Variants in ODAD2 observed in about 807,000 individuals in gnomAD.
ODAD2 encodes outer dynein arm docking complex subunit 2.
A neutral mutation model predicts 106.8 loss-of-function variants in ODAD2; 89 were observed. The observed-to-expected ratio is 0.83, with a 90% CI of 0.70 to 0.99. The LOEUF is 0.99. Among genes scored for constraint, ODAD2 ranks in the 50% least tolerant of loss-of-function variants. The probability of loss-of-function intolerance (pLI) is 0.00; values close to 1 mark genes in which losing one functional copy is unlikely to be tolerated. For synonymous variants in ODAD2, 404 were observed against 436.2 expected (o/e 0.93, Z 0.92); for missense variants, 1,168 against 1,238.5 (o/e 0.94, Z 0.85).
At chr10:27,885,563 AATATATATATATATAAATATAT>A (rs1842055179) in intron 17 of ODAD2, among the ~76,000 whole-genome samples, 1 of 17,514 alleles carries the variant, frequency 5.7e-5, no homozygotes, top group Admixed American at 1.3e-3. Context: ...TATAAATATA[AATATATATATATATAAATATAT>A]AAATATAAAT....
chr10:27,953,381 CTAT>C (rs775715120), intron 10 of ODAD2, among the ~76,000 whole-genome samples: 28 of 152,232 alleles, frequency 1.8e-4, no homozygotes, highest in Non-Finnish European at 4.1e-4. Context: ...ATAGAACTCC[CTAT>C]TACTGCTATC....
intron 17 of ODAD2, among the ~76,000 whole-genome samples, chr10:27,869,029 C>A (rs1005098664): frequency 6.6e-6 from 1 of 151,484 alleles, no homozygotes; most frequent in African/African-American, 2.4e-5. Flanking sequence ...AATGAAAAAC[C>A]TAAATTAGAA....
chr10:27,989,696 T>C (rs1354007681), intron 2 of ODAD2, among the ~76,000 whole-genome samples: 1 of 152,098 alleles, frequency 6.6e-6, no homozygotes, highest in Admixed American at 6.6e-5. Context: ...AAATGCCAGC[T>C]ACCTTAACCA....
rs546909819 is a variant in ODAD2, at chr10:27,919,076, T to C, written c.2496-11299A>G. Among the ~76,000 whole-genome samples the C allele has an allele frequency of 9.2e-5, 14 of 152,082 alleles. No homozygotes were observed. The South Asian group carries it at 2.9e-3, about 32-fold the overall frequency. ...AAATAAATGGCAATATATACCTCATTAATGGATTGGCAGTCTCAATATCAT... is the reference window on the plus strand; with the variant it reads ...AAATAAATGGCAATATATACCTCATCAATGGATTGGCAGTCTCAATATCAT... On this transcript the variant is annotated intron_variant, in intron 16 of 19. Transcript: ENST00000305242.
At chr10:27,905,335 A>G (rs1298162813) in intron 17 of ODAD2, among the ~76,000 whole-genome samples, 2 of 152,148 alleles carry the variant, frequency 1.3e-5, no homozygotes, top group Admixed American at 1.3e-4. Flanking sequence ...CTTCAAGGAG[A>G]ACTACAAACC....
intron 2 of ODAD2, among the ~76,000 whole-genome samples, chr10:27,990,081 CTGT>C (rs1315077343): frequency 6.6e-6 from 1 of 152,112 alleles, no homozygotes; most frequent in Non-Finnish European, 1.5e-5. Context: ...GCTAAAAATT[CTGT>C]TTATACTCTA....
intron 17 of ODAD2, among the ~76,000 whole-genome samples, chr10:27,871,105 C>G (rs555307246): frequency 1.1e-3 from 171 of 152,282 alleles, no homozygotes; most frequent in Non-Finnish European, 8.8e-4. Flanking sequence ...CTGATGGCCA[C>G]TGATGATGAG....
intron 10 of ODAD2, among the ~76,000 whole-genome samples, chr10:27,945,265 C>T (rs1044427740): frequency 6.6e-6 from 1 of 152,190 alleles, no homozygotes; most frequent in South Asian, 2.1e-4. Context: ...GCAAGATGTA[C>T]ACAGAGCTAA....
At chr10:27,989,735 C>G (rs1182314934) in intron 2 of ODAD2, among the ~76,000 whole-genome samples, 1 of 152,158 alleles carries the variant, frequency 6.6e-6, no homozygotes, top group African/African-American at 2.4e-5. Flanking sequence ...TTGGTCCCAG[C>G]TACTTGGGAG....
chr10:27,936,410 C>G (rs1407341688), intron 15 of ODAD2, among the ~76,000 whole-genome samples: 1 of 152,132 alleles, frequency 6.6e-6, no homozygotes, highest in Non-Finnish European at 1.5e-5. Context: ...GAAATCCGCC[C>G]ACTCACCTTG....
At chr10:27,921,945 T>C (rs1200894300) in intron 16 of ODAD2, among the ~76,000 whole-genome samples, 1 of 151,322 alleles carries the variant, frequency 6.6e-6, no homozygotes, top group Non-Finnish European at 1.5e-5. Flanking sequence ...GGAGGGTGGA[T>C]AGCTTCAGCT....
intron 17 of ODAD2, among the ~76,000 whole-genome samples, chr10:27,863,493 G>T (rs1434634981): frequency 6.6e-6 from 1 of 152,178 alleles, no homozygotes; most frequent in African/African-American, 2.4e-5. Context: ...TGAGTAGGGG[G>T]TTACAAGTAA....
intron 19 of ODAD2, among the ~76,000 whole-genome samples, chr10:27,858,423 T>A (rs995552733): frequency 3.3e-5 from 5 of 152,200 alleles, no homozygotes; most frequent in Non-Finnish European, 5.9e-5. Context: ...CCCTGTTCTT[T>A]ACAGTTTTCC....
chr10:27,943,545 C>G (rs12779352), intron 12 of ODAD2, among the ~76,000 whole-genome samples: 81,160 of 151,660 alleles, frequency 0.54, 21,890 homozygotes, highest in Middle Eastern at 0.65. Flanking sequence ...CCAGCACTTT[C>G]GGAGGCCAAG....
intron 3 of ODAD2, 76 bp downstream of exon 3, chr10:27,987,310 C>T: frequency 7.5e-7 from 1 of 1,332,068 alleles, no homozygotes; most frequent in South Asian, 1.5e-5. Context: ...AACAAATGAT[C>T]CTCCCACCCT....
chr10:27,983,509 G>A (rs965729700), intron 6 of ODAD2, among the ~76,000 whole-genome samples: 16 of 152,188 alleles, frequency 1.1e-4, no homozygotes, highest in African/African-American at 3.9e-4. Context: ...TATGACATCT[G>A]TATTATCTCA....
Position 27,924,010 on chromosome 10 carries a change from GAA to G in ODAD2, c.2495+10998_2495+10999del, listed in dbSNP as rs71388942. Among the ~76,000 whole-genome samples, 206 of 111,408 alleles carry G rather than the reference GAA, an allele frequency of 1.8e-3. 1 individual carries two copies. Among genetic ancestry groups the G allele is most frequent in the East Asian group, 2.8e-3 (10 of 3,610 alleles). The allele number at this position is 111,408 out of a possible 152,430, so 73.1% of individuals were successfully genotyped here. ...AGAAAGAAAGAAAGAAAGAAAGAAA[GAA>G]AGAAAGAAAGAAGGAAAGAGAAAGA... On this transcript the variant is annotated intron_variant, in intron 16 of 19. Transcript: ENST00000305242.
At chr10:27,877,860 T>G (rs899092451) in intron 17 of ODAD2, among the ~76,000 whole-genome samples, 1 of 152,174 alleles carries the variant, frequency 6.6e-6, no homozygotes, top group Non-Finnish European at 1.5e-5. Flanking sequence ...CCACATGCAT[T>G]ATCTCATATG....
At chr10:27,896,074 C>T (rs1842836590) in intron 17 of ODAD2, among the ~76,000 whole-genome samples, 1 of 152,228 alleles carries the variant, frequency 6.6e-6, no homozygotes, top group Admixed American at 6.5e-5. Flanking sequence ...ATTTTGCTCA[C>T]ATATCCCAAT....
Sources: gnomAD v4.1 joint callset for allele counts (sites outside exome capture counted in the v4.1 genomes callset) on GRCh38, gnomAD v4.1.1 for gene constraint, MANE v1.5 for transcripts, NCBI Gene and HGNC (gene_info 2026-07-23, HGNC 2026-07-21) for gene names.